The following STK17B variants were observed in gnomAD, a reference collection of about 807,000 sequenced individuals.
STK17B encodes serine/threonine kinase 17b, also known as serine/threonine-protein kinase 17B.
STK17B carries 21 observed loss-of-function variants against 42.0 expected under a neutral mutation model. The ratio of observed to expected loss-of-function variants is 0.50; its 90% confidence interval spans 0.35 to 0.72. The LOEUF (loss-of-function observed/expected upper bound fraction) is 0.72, where lower values mean the gene tolerates loss of function less well. STK17B is among the 30% of genes least tolerant of loss of function. The pLI is 0.00. For missense variants in STK17B, 349 were observed against 446.0 expected, an observed-to-expected ratio of 0.78 and a Z score of 1.96; for synonymous variants, 143 against 148.4, an observed-to-expected ratio of 0.96 and a Z score of 0.26.
At chr2:196,164,191 T>C (rs564817967) in intron 1 of STK17B, among the ~76,000 whole-genome samples, 1 of 152,336 alleles carries the variant, frequency 6.6e-6, no homozygotes, top group South Asian at 2.1e-4. Flanking sequence ...TTGTGAGTTA[T>C]ATTACTGACG....
chr2:196,145,716 T>C (rs536287952), intron 4 of STK17B, among the ~76,000 whole-genome samples, 195 bp downstream of exon 4: 13 of 152,308 alleles, frequency 8.5e-5, no homozygotes, highest in African/African-American at 2.9e-4. Context: ...TTGAGCTGCT[T>C]ACACATGCAC....
intron 2 of STK17B, among the ~76,000 whole-genome samples, chr2:196,163,056 AG>A (rs1699833159): frequency 1.3e-5 from 2 of 152,146 alleles, no homozygotes; most frequent in African/African-American, 2.4e-5. Context: ...GAGGCTAGGT[AG>A]GATGTATGAT....
intron 2 of STK17B, among the ~76,000 whole-genome samples, chr2:196,162,951 G>A (rs1699831639): frequency 6.6e-6 from 1 of 152,108 alleles, no homozygotes; most frequent in African/African-American, 2.4e-5. Flanking sequence ...AGTAACTGGT[G>A]GAGTCCAAAC....
At position 196,143,645 on chromosome 2, in the gene STK17B, G is replaced by A; in HGVS notation, c.522C>T (p.Asp174=). 2 of 1,605,790 alleles carry A rather than the reference G, an allele frequency of 1.2e-6. No homozygotes were observed. The highest frequency in any genetic ancestry group is 8.5e-7 in the Non-Finnish European group (1 of 1,176,408). The part of the protein sequence containing the change: ...ILLSSIYPLG[D]IKIVDFGMSR... ...ACATTCCAAAATCTACTATTTTAAT[G>A]TCCCCGAGAGGGTATATGCTGCTCA... is the stretch of plus-strand genomic sequence containing the variant. Residue 174 remains aspartate, a synonymous_variant, in exon 5 of 8, where the codon GAC becomes GAT. Transcript: ENST00000263955.
intron 1 of STK17B, among the ~76,000 whole-genome samples, chr2:196,164,040 A>G (rs1001763025): frequency 1.2e-4 from 15 of 127,184 alleles, no homozygotes; most frequent in Non-Finnish European, 2.6e-4. Flanking sequence ...TCTTATCTCA[A>G]TAAATAAATA....
intron 4 of STK17B, among the ~76,000 whole-genome samples, chr2:196,145,259 A>G (rs939238718): frequency 6.6e-6 from 1 of 151,980 alleles, no homozygotes; most frequent in African/African-American, 2.4e-5. Context: ...TTATTATTAA[A>G]GTGGTAATAG....
upstream of STK17B, among the ~76,000 whole-genome samples, chr2:196,175,063 A>C (rs1013971587): frequency 6.6e-6 from 1 of 152,220 alleles, no homozygotes; most frequent in Admixed American, 6.6e-5. Context: ...ATATTTTAAA[A>C]AGTAAACACA....
upstream of STK17B, among the ~76,000 whole-genome samples, chr2:196,174,874 C>T (rs1450287567): frequency 6.6e-6 from 1 of 152,246 alleles, no homozygotes; most frequent in Non-Finnish European, 1.5e-5. Flanking sequence ...AGAGTAATAA[C>T]TCAGACTGGT....
At chr2:196,146,437 A>G (rs1351118139) in intron 3 of STK17B, among the ~76,000 whole-genome samples, 2 of 152,062 alleles carry the variant, frequency 1.3e-5, no homozygotes, top group Non-Finnish European at 2.9e-5. Context: ...CTGGGAGGCA[A>G]AGGTTGCAGT....
intron 1 of STK17B, among the ~76,000 whole-genome samples, chr2:196,164,025 C>T (rs1024611836): frequency 5.8e-5 from 8 of 137,660 alleles, no homozygotes; most frequent in Admixed American, 3.6e-4. Context: ...GGCAATAAAG[C>T]GAGATCTTAT....
At chr2:196,160,696 T>G (rs1274442247) in intron 2 of STK17B, among the ~76,000 whole-genome samples, 2 of 152,200 alleles carry the variant, frequency 1.3e-5, no homozygotes, top group African/African-American at 2.4e-5. Flanking sequence ...CATATCAATA[T>G]TTACCATGTG....
chr2:196,139,865 C>G, intron 6 of STK17B, 66 bp from the exon 7 acceptor site: 1 of 1,182,950 alleles, frequency 8.5e-7, no homozygotes, highest in Non-Finnish European at 1.1e-6. Flanking sequence ...AAAGTACAAT[C>G]GACATTCAAC....
At chr2:196,149,624 T>C (rs1699635119) in intron 3 of STK17B, among the ~76,000 whole-genome samples, 2 of 152,212 alleles carry the variant, frequency 1.3e-5, no homozygotes, top group African/African-American at 2.4e-5. Flanking sequence ...ATATGGTACA[T>C]ATAAAGATGC....
intron 3 of STK17B, chr2:196,154,226 CCAACAACAACAACAACAA>C (rs55974799): frequency 1.4e-5 from 2 of 147,308 alleles, no homozygotes; most frequent in African/African-American, 5.2e-5. Context: ...GAGCAAGACT[CCAACAACAACAACAACAA>C]CAACAACAAC....
At chr2:196,144,167 C>G (rs1192147454) in intron 4 of STK17B, among the ~76,000 whole-genome samples, 1 of 143,228 alleles carries the variant, frequency 7.0e-6, no homozygotes, top group East Asian at 2.1e-4. Context: ...GTGAGACCCT[C>G]TCTTAAATAA....
At chr2:196,159,317 T>C (rs991853482) in intron 2 of STK17B, among the ~76,000 whole-genome samples, 4 of 151,552 alleles carry the variant, frequency 2.6e-5, no homozygotes, top group African/African-American at 9.7e-5. Flanking sequence ...GGTTGTTTTT[T>C]TTTTTTTTTT....
chr2:196,155,206 G>A (rs560061232), intron 3 of STK17B, among the ~76,000 whole-genome samples: 1 of 152,250 alleles, frequency 6.6e-6, no homozygotes, highest in South Asian at 2.1e-4. Flanking sequence ...ACTTTTTAAA[G>A]GTCAGCTGAA....
intron 1 of STK17B, among the ~76,000 whole-genome samples, chr2:196,167,452 T>C (rs1468455151): frequency 6.6e-6 from 1 of 152,230 alleles, no homozygotes; most frequent in African/African-American, 2.4e-5. Flanking sequence ...GAACTTGAGA[T>C]CCATCTTGAA....
At chr2:196,167,230 C>A (rs1354786583) in intron 1 of STK17B, among the ~76,000 whole-genome samples, 1 of 152,190 alleles carries the variant, frequency 6.6e-6, no homozygotes, top group Non-Finnish European at 1.5e-5. Context: ...GGATCCTTGG[C>A]ATACTTCTTT....
Sources: allele counts gnomAD v4.1 joint callset (sites outside exome capture counted in the v4.1 genomes callset), GRCh38; gene constraint gnomAD v4.1.1; transcripts MANE v1.5; gene names NCBI Gene and HGNC (gene_info 2026-07-23, HGNC 2026-07-21).